The following PROSER2 variants were observed in gnomAD, a reference collection of about 807,000 sequenced individuals.
The protein encoded by PROSER2 is proline and serine rich 2, also known as proline and serine-rich protein 2.
Under a neutral mutation model 14.6 loss-of-function variants are expected in PROSER2, and 18 were observed. The ratio of observed to expected loss-of-function variants is 1.23; its 90% confidence interval spans 0.85 to 1.83. The LOEUF (loss-of-function observed/expected upper bound fraction) is 1.83, where lower values mean the gene tolerates loss of function less well. Among genes scored for constraint, PROSER2 ranks in the 40% most tolerant of loss-of-function variants. PROSER2 has a pLI of 0.00. For synonymous variants in PROSER2, 367 were observed against 286.4 expected, an observed-to-expected ratio of 1.28 and a Z score of -2.84; for missense variants, 823 against 629.8, an observed-to-expected ratio of 1.31 and a Z score of -3.28.
At chr10:11,835,511 G>A (rs1443111555) in intron 1 of PROSER2, among the ~76,000 whole-genome samples, 3 of 152,186 alleles carry the variant, frequency 2.0e-5, no homozygotes, top group South Asian at 2.1e-4. Context: ...TACTTAAGTC[G>A]AATAATAGAA....
At position 11,862,440 on chromosome 10, in the gene PROSER2, AC is replaced by A. The variant is rs1462927687; in HGVS notation, c.139-4090del. Among the ~76,000 whole-genome samples the A allele has an allele frequency of 1.3e-5, 2 of 152,180 alleles. No homozygotes were observed. Among genetic ancestry groups the A allele is most frequent in the Non-Finnish European group, 2.9e-5 (2 of 68,036 alleles). On this transcript the variant is annotated intron_variant, in intron 2 of 3. Transcript: ENST00000277570. The surrounding 1 kb of genome is among the most constrained non-coding windows in gnomAD (Gnocchi z 4.2). ...GGCACAGTGGCTCATGCCTACAATA[AC>A]ACCACTTTGGGAAGCTGAGGCCAGA...
intron 1 of PROSER2, among the ~76,000 whole-genome samples, chr10:11,844,418 CCT>C (rs1833895890): frequency 1.3e-5 from 2 of 152,162 alleles, no homozygotes; most frequent in Admixed American, 6.5e-5. Context: ...CACTTCTACC[CCT>C]CACGCCCAAC....
Position 11,869,181 on chromosome 10 carries a change from TGCGTCCTGTCCCA to T in PROSER2, c.392-306_392-294del, listed in dbSNP as rs1834411635. Among the ~76,000 whole-genome samples the T allele has an allele frequency of 6.6e-6, 1 of 152,216 alleles. No homozygotes were observed. Among genetic ancestry groups the T allele is most frequent in the Non-Finnish European group, 1.5e-5 (1 of 68,036 alleles). On this transcript the variant is annotated intron_variant, in intron 3 of 3. Transcript: ENST00000277570. This position sits in a 1 kb window ranked among gnomAD's most constrained non-coding sequence, Gnocchi z 4.4. ...CTCCCCTGATGAGTTGGTCACTACT[TGCGTCCTGTCCCA>T]GCCTCAGGGGCTGGAGCCTCAGCAG...
chr10:11,835,715 CTT>C (rs1833751560), intron 1 of PROSER2, among the ~76,000 whole-genome samples: 1 of 152,156 alleles, frequency 6.6e-6, no homozygotes, highest in East Asian at 1.9e-4. Context: ...AAACAGGACT[CTT>C]TTCTTCGTTT....
At chr10:11,860,837 G>A (rs1834222295) in intron 2 of PROSER2, among the ~76,000 whole-genome samples, 1 of 151,666 alleles carries the variant, frequency 6.6e-6, no homozygotes, top group South Asian at 2.1e-4. Context: ...CAGGCATGGC[G>A]GCTCATGCTT....
chr10:11,867,988 G>A (rs547644732), intron 3 of PROSER2, among the ~76,000 whole-genome samples: 1 of 152,294 alleles, frequency 6.6e-6, no homozygotes, highest in Non-Finnish European at 1.5e-5. Flanking sequence ...GTACACGTGT[G>A]TACACATGTA....
At chr10:11,829,445 G>A (rs374507791) in intron 1 of PROSER2, among the ~76,000 whole-genome samples, 33 of 151,936 alleles carry the variant, frequency 2.2e-4, no homozygotes, top group East Asian at 9.7e-4. Context: ...TTAGCCAGGT[G>A]TGGTAGTGTG....
chr10:11,827,669 A>G (rs1833634594), intron 1 of PROSER2, among the ~76,000 whole-genome samples: 1 of 148,120 alleles, frequency 6.8e-6, no homozygotes, highest in Admixed American at 7.0e-5. Flanking sequence ...TTGGGCATAC[A>G]AACATGGAAG....
chr10:11,841,696 A>G (rs1236851730), intron 1 of PROSER2, among the ~76,000 whole-genome samples: 7 of 152,196 alleles, frequency 4.6e-5, no homozygotes, highest in Non-Finnish European at 1.0e-4. Context: ...AGTTACCTTT[A>G]GTCTATTGAT....
intron 1 of PROSER2, 55 bp from the exon 2 acceptor site, chr10:11,851,942 G>A: frequency 1.2e-6 from 1 of 838,704 alleles, no homozygotes; most frequent in Admixed American, 3.9e-5. Flanking sequence ...GAGGGATTGA[G>A]GCGTTTTACA....
At chr10:11,832,725 G>A (rs1162882057) in intron 1 of PROSER2, among the ~76,000 whole-genome samples, 1 of 152,158 alleles carries the variant, frequency 6.6e-6, no homozygotes, top group African/African-American at 2.4e-5. Flanking sequence ...TGGAGAGGGA[G>A]GGATAATAAC....
intron 1 of PROSER2, among the ~76,000 whole-genome samples, chr10:11,841,504 A>C (rs769750996): frequency 4.8e-4 from 73 of 152,016 alleles, no homozygotes; most frequent in Non-Finnish European, 8.7e-4. Context: ...TGCTTGGTTC[A>C]TTAAATTTCA....
rs138923212 is a variant in PROSER2 at position 11,828,852 on chromosome 10, A to G, written c.-82+5382A>G. ...CTTGCTTGGGTAAAGGAGACATTCAATGTCCGATGTGAATTGATAACAGAG... is the reference window on the plus strand; with the variant it reads ...CTTGCTTGGGTAAAGGAGACATTCAGTGTCCGATGTGAATTGATAACAGAG... On this transcript the variant is annotated intron_variant, in intron 1 of 3. Coordinates refer to ENST00000277570, the MANE Select transcript of PROSER2 (RefSeq NM_153256.4). 6.8e-3 allele frequency among the ~76,000 whole-genome samples: 1,039 copies of G among 152,238 alleles called. 14 individuals are homozygous for G. Among genetic ancestry groups the G allele is most frequent in the African/African-American group, 0.024 (980 of 41,526 alleles).
chr10:11,839,822 CAAAA>C (rs1209509215), intron 1 of PROSER2, among the ~76,000 whole-genome samples: 1 of 60,920 alleles, frequency 1.6e-5, no homozygotes. Context: ...GAGATTGTCT[CAAAA>C]AAAAAAAAAA....
At chr10:11,832,408 C>G (rs1279331038) in intron 1 of PROSER2, among the ~76,000 whole-genome samples, 1 of 152,088 alleles carries the variant, frequency 6.6e-6, no homozygotes, top group Non-Finnish European at 1.5e-5. Flanking sequence ...TTACTGCAGC[C>G]TCTGTATTTC....
rs1195512246 is a variant in PROSER2, at chr10:11,870,025, C to T, written c.927C>T (p.Gly309=). The stretch of plus-strand genomic sequence containing the variant: ...ACGCCGGCGAGGGGGCCCCAGGGGG[C>T]GGCTCCTCCCCGGAGCGGGTGGCGC... ...AGDAGEGAPG[G]GSSPERVARG... The change falls in exon 4 of 4, where the codon GGC becomes GGT. Residue 309 remains glycine, a synonymous_variant. Coordinates refer to ENST00000277570, the MANE Select transcript of PROSER2 (RefSeq NM_153256.4). The T allele has an allele frequency of 1.5e-5, 18 of 1,239,926 alleles. No homozygotes were observed. Among genetic ancestry groups the T allele is most frequent in the Admixed American group, 4.4e-5 (1 of 22,728 alleles). 76.8% of individuals were successfully genotyped at this position (1,239,926 alleles called of 1,614,324 possible).
chr10:11,846,206 C>T (rs938250312), intron 1 of PROSER2, among the ~76,000 whole-genome samples: 4 of 152,078 alleles, frequency 2.6e-5, no homozygotes, highest in African/African-American at 4.8e-5. Flanking sequence ...AGGCTGGTCT[C>T]GAACTCCTGA....
At chr10:11,864,366 C>A (rs937883131) in intron 2 of PROSER2, among the ~76,000 whole-genome samples, 1 of 152,094 alleles carries the variant, frequency 6.6e-6, no homozygotes, top group African/African-American at 2.4e-5. Flanking sequence ...CAGAGAACTC[C>A]CACCTACGCT....
In PROSER2 at chr10:11,870,023, G is replaced by A; in HGVS notation, c.925G>A (p.Gly309Ser). 3 of 1,241,766 alleles carry A rather than the reference G, an allele frequency of 2.4e-6. No individual in the cohort carries two copies. The highest frequency in any genetic ancestry group is 3.0e-6 in the Non-Finnish European group (3 of 993,706). The allele number at this position is 1,241,766 out of a possible 1,614,324, so 76.9% of individuals were successfully genotyped here. Residue 309 changes from glycine (G) to serine (S), a missense_variant, in exon 4 of 4, where the codon GGC (glycine) becomes AGC (serine). Transcript: ENST00000277570. ...AGDAGEGAPG[G>S]GSSPERVARG... ...GGACGCCGGCGAGGGGGCCCCAGGG[G>A]GCGGCTCCTCCCCGGAGCGGGTGGC...
Sources: allele counts gnomAD v4.1 joint callset (sites outside exome capture counted in the v4.1 genomes callset), GRCh38; gene constraint gnomAD v4.1.1; non-coding constraint Gnocchi (gnomAD v3.1); transcripts MANE v1.5; gene names NCBI Gene and HGNC (gene_info 2026-07-23, HGNC 2026-07-21).